KDM4C: variants seen among roughly 807,000 people sequenced by gnomAD.
The protein encoded by KDM4C is lysine-specific demethylase 4C.
Under a neutral mutation model 129.3 loss-of-function variants are expected in KDM4C, and 81 were observed. The observed-to-expected ratio is 0.63, with a 90% CI of 0.52 to 0.75. KDM4C has a LOEUF of 0.75. KDM4C is among the 30% of genes least tolerant of loss of function. The pLI, the probability that KDM4C is intolerant of heterozygous loss-of-function variation, is 0.00. For synonymous variants in KDM4C, 573 were observed against 456.1 expected (o/e 1.26, Z -3.26); for missense variants, 1,457 against 1,304.0 (o/e 1.12, Z -1.81).
chr9:6,809,721 G>A (rs926475613), intron 3 of KDM4C, among the ~76,000 whole-genome samples: 4 of 152,168 alleles, frequency 2.6e-5, no homozygotes, highest in Admixed American at 6.5e-5. Flanking sequence ...AAAATAGGCT[G>A]GTTGTGGTGG....
chr9:6,975,959 A>G (rs995182072), intron 8 of KDM4C, among the ~76,000 whole-genome samples: 1 of 152,228 alleles, frequency 6.6e-6, no homozygotes, highest in Non-Finnish European at 1.5e-5. Context: ...AATCGCTTCA[A>G]CCAGGGAGGG....
At chr9:6,840,343 G>A (rs888421014) in intron 4 of KDM4C, among the ~76,000 whole-genome samples, 1 of 151,918 alleles carries the variant, frequency 6.6e-6, no homozygotes, top group African/African-American at 2.4e-5. Context: ...GAAATGCTAG[G>A]ATTACAGGCA....
intron 18 of KDM4C, among the ~76,000 whole-genome samples, chr9:7,117,437 T>C (rs2133263792): frequency 1.3e-5 from 2 of 152,266 alleles, no homozygotes; most frequent in South Asian, 4.2e-4. Context: ...GCTTCTCTCA[T>C]TTGAAAGTGT....
At chr9:7,011,641 G>C in intron 12 of KDM4C, 57 bp from the exon 13 acceptor site, 3 of 1,450,700 alleles carry the variant, frequency 2.1e-6, no homozygotes, top group Non-Finnish European at 2.9e-6. Context: ...TTGTACTCAG[G>C]GTGATTGTTT....
intron 1 of KDM4C, among the ~76,000 whole-genome samples, chr9:6,731,562 C>T (rs1435936546): frequency 6.6e-6 from 1 of 151,898 alleles, no homozygotes; most frequent in African/African-American, 2.4e-5. Context: ...GAACTCCTGA[C>T]CTCAGGTGAT....
intron 17 of KDM4C, among the ~76,000 whole-genome samples, chr9:7,101,693 C>G (rs930448455): frequency 2.6e-5 from 4 of 152,152 alleles, no homozygotes; most frequent in African/African-American, 9.7e-5. Flanking sequence ...TAGTGAGTCT[C>G]AGTTTAATGA....
At position 6,758,903 on chromosome 9, in the gene KDM4C, T is replaced by C. The variant is rs1164793890; in HGVS notation, c.-18+700T>C. ...GAGGGAGCCAGACAGGCCGGGGCTG[T>C]AGGCAGGAGCTTGGGGTTTTCCTCT... On this transcript the variant is annotated intron_variant, in intron 1 of 21. Transcript: ENST00000381309. The surrounding 1 kb of genome is among the most constrained non-coding windows in gnomAD (Gnocchi z 4.6). Among the ~76,000 whole-genome samples, 5 of 152,206 alleles carry C rather than the reference T, an allele frequency of 3.3e-5. No homozygotes were observed. The highest frequency in any genetic ancestry group is 7.3e-5 in the Non-Finnish European group (5 of 68,030).
intron 17 of KDM4C, 23 bp from the exon 18 acceptor site, chr9:7,103,662 T>G: frequency 1.9e-6 from 3 of 1,595,774 alleles, no homozygotes; most frequent in Non-Finnish European, 2.6e-6. Context: ...GAATTGATGT[T>G]CTTCTCTGTT....
chr9:6,987,550 C>T (rs1193033839), intron 11 of KDM4C, among the ~76,000 whole-genome samples: 1 of 152,158 alleles, frequency 6.6e-6, no homozygotes, highest in South Asian at 2.1e-4. Flanking sequence ...TGATAGGTTG[C>T]GCTGGCTGCA....
intron 17 of KDM4C, among the ~76,000 whole-genome samples, chr9:7,084,029 G>T (rs1834839623): frequency 6.6e-6 from 1 of 152,188 alleles, no homozygotes; most frequent in South Asian, 2.1e-4. Flanking sequence ...GCTGAGGGCA[G>T]TCAAGGCTCT....
intron 8 of KDM4C, chr9:6,902,662 G>A (rs1439180783): frequency 2.0e-5 from 3 of 152,062 alleles, no homozygotes; most frequent in African/African-American, 7.3e-5. Flanking sequence ...TTTATGTCAG[G>A]GAACTCCCTG....
chr9:7,107,870 T>C (rs1313232176), intron 18 of KDM4C, among the ~76,000 whole-genome samples: 3 of 150,290 alleles, frequency 2.0e-5, no homozygotes, highest in Admixed American at 6.6e-5. Flanking sequence ...TTGTTGTTGT[T>C]GTCTTTTTAT....
intron 21 of KDM4C, 94 bp from the exon 22 acceptor site, chr9:7,174,459 C>T (rs1479318886): frequency 1.6e-6 from 2 of 1,233,688 alleles, no homozygotes; most frequent in Non-Finnish European, 2.3e-6. Flanking sequence ...TGGGCATCTG[C>T]ACCCTAACCC....
In KDM4C at chr9:6,758,059, C is replaced by G. The variant is rs992912312; in HGVS notation, c.-162C>G. On this transcript the variant is annotated 5_prime_UTR_variant, in exon 1 of 22. Transcript: ENST00000381309. The surrounding 1 kb of genome is among the most constrained non-coding windows in gnomAD (Gnocchi z 4.6). ...AGGCGCGGCGCAGTGATCGGGCGGC[C>G]GGGGTCCTGTGCGCGTGCGCAGCGA... The G allele has an allele frequency of 1.0e-6, 1 of 985,364 alleles. No homozygotes were observed. Among genetic ancestry groups the G allele is most frequent in the African/African-American group, 1.7e-5 (1 of 57,252 alleles). The allele number at this position is 985,364 out of a possible 1,614,324, so 61.0% of individuals were successfully genotyped here.
At chr9:6,969,427 T>C (rs928517415) in intron 8 of KDM4C, among the ~76,000 whole-genome samples, 1 of 152,334 alleles carries the variant, frequency 6.6e-6, no homozygotes, top group South Asian at 2.1e-4. Context: ...TTTTATCTGC[T>C]GATAGGCTTG....
At chr9:6,781,206 G>C (rs1032744947) in intron 1 of KDM4C, among the ~76,000 whole-genome samples, 1 of 152,092 alleles carries the variant, frequency 6.6e-6, no homozygotes. Flanking sequence ...CTTATTACAA[G>C]GGCCAAGGTA....
chr9:7,002,014 T>C (rs745380929), intron 12 of KDM4C, among the ~76,000 whole-genome samples: 1 of 152,126 alleles, frequency 6.6e-6, no homozygotes, highest in Non-Finnish European at 1.5e-5. Context: ...TGCCTTAGCC[T>C]CCCGAGTATC....
chr9:6,778,046 G>A (rs1588197699), intron 1 of KDM4C, among the ~76,000 whole-genome samples: 1 of 150,272 alleles, frequency 6.7e-6, no homozygotes, highest in East Asian at 2.0e-4. Flanking sequence ...TCAGCCTCCT[G>A]AGTGGCTGGG....
intron 1 of KDM4C, chr9:6,735,220 C>T (rs1366945623): frequency 2.5e-5 from 5 of 202,226 alleles, no homozygotes; most frequent in African/African-American, 4.7e-5. Flanking sequence ...CTCCCATCAC[C>T]CATGTTGCAT....
Sources: allele counts gnomAD v4.1 joint callset (sites outside exome capture counted in the v4.1 genomes callset), GRCh38; gene constraint gnomAD v4.1.1; non-coding constraint Gnocchi (gnomAD v3.1); transcripts MANE v1.5; gene names NCBI Gene and HGNC (gene_info 2026-07-23, HGNC 2026-07-21).